SATB2: variants seen among roughly 807,000 people sequenced by gnomAD.
SATB2 encodes the protein SATB homeobox 2.
SATB2 carries 1 observed loss-of-function variant against 73.4 expected under a neutral mutation model. The ratio of observed to expected loss-of-function variants is 0.01; its 90% CI spans 0.00 to 0.06. The LOEUF is 0.06. SATB2 is among the 10% of genes least tolerant of loss of function. SATB2 has a pLI of 1.00. For synonymous variants in SATB2, 397 were observed against 367.0 expected, an observed-to-expected ratio of 1.08 and a Z score of -0.93; for missense variants, 459 against 945.8, an observed-to-expected ratio of 0.49 and a Z score of 6.75.
chr2:199,272,567 G>A lies in SATB2; in HGVS notation c.1846C>T (p.Arg616Trp). The A allele has an allele frequency of 1.2e-6, 2 of 1,614,132 alleles. No individual in the cohort carries two copies. The highest frequency in any genetic ancestry group is 8.5e-7 in the Non-Finnish European group (1 of 1,180,006). Residue 616 changes from arginine to tryptophan, a missense_variant, in exon 11 of 11, where the codon CGG becomes TGG. Around this residue, in one of 13 missense-constraint regions of SATB2, gnomAD observed 74 missense variants for 136.1 expected, o/e 0.54. Transcript: ENST00000417098. The surrounding 1 kb of genome is among the most constrained non-coding windows in gnomAD (Gnocchi z 6.7). The stretch of plus-strand genomic sequence containing the variant: ...TCTAAGGAGATCTTTGTGCGAGACC[G>A]GGGCTTTTTGGCACAACTGTCTTCA... ...PTEDSCAKKPRSRTKISLEAL... is the reference protein window; with the variant it reads ...PTEDSCAKKPWSRTKISLEAL...
chr2:199,402,407 A>G (rs1179419306), intron 3 of SATB2, among the ~76,000 whole-genome samples: 2 of 151,890 alleles, frequency 1.3e-5, no homozygotes, highest in African/African-American at 4.8e-5. Flanking sequence ...TTGATACATT[A>G]TCTAGCCAGG....
At chr2:199,354,725 T>A (rs1350614383) in intron 6 of SATB2, among the ~76,000 whole-genome samples, 1 of 152,172 alleles carries the variant, frequency 6.6e-6, no homozygotes, top group Non-Finnish European at 1.5e-5. Flanking sequence ...TCTTGCAGAT[T>A]CCTTCAAGTT....
chr2:199,416,776 C>T (rs1378087068), intron 3 of SATB2, among the ~76,000 whole-genome samples: 1 of 152,140 alleles, frequency 6.6e-6, no homozygotes, highest in East Asian at 1.9e-4. Context: ...GTGACTCACA[C>T]CTGTAATCCC....
At chr2:199,351,865 A>G (rs1688828357) in intron 6 of SATB2, among the ~76,000 whole-genome samples, 1 of 152,062 alleles carries the variant, frequency 6.6e-6, no homozygotes, top group Non-Finnish European at 1.5e-5. Flanking sequence ...TATCTATTTC[A>G]TTTTTTGGTG....
upstream of SATB2, chr2:199,468,971 G>C (rs1328468404): frequency 4.6e-5 from 7 of 152,346 alleles, no homozygotes; most frequent in African/African-American, 1.7e-4. Flanking sequence ...GGACCGTGCG[G>C]GACAGGGCCG....
chr2:199,299,993 G>T (rs879300480), intron 10 of SATB2, among the ~76,000 whole-genome samples: 5 of 152,098 alleles, frequency 3.3e-5, no homozygotes, highest in Non-Finnish European at 5.9e-5. Context: ...GGGAAAGAAG[G>T]ATGCATTTTA....
At chr2:199,313,403 A>G (rs1047797261) in intron 9 of SATB2, among the ~76,000 whole-genome samples, 1 of 152,234 alleles carries the variant, frequency 6.6e-6, no homozygotes, top group Admixed American at 6.5e-5. Flanking sequence ...GAATCTATTA[A>G]TAAGTTCAAA....
chr2:199,410,703 G>A (rs1391422879), intron 3 of SATB2, among the ~76,000 whole-genome samples: 1 of 152,130 alleles, frequency 6.6e-6, no homozygotes, highest in African/African-American at 2.4e-5. Flanking sequence ...TATTTTAACA[G>A]TCTGCTCAGG....
intron 9 of SATB2, among the ~76,000 whole-genome samples, chr2:199,316,357 A>T (rs374853865): frequency 6.6e-6 from 1 of 152,244 alleles, no homozygotes; most frequent in East Asian, 1.9e-4. Context: ...AAGGCTTGTC[A>T]AGGGCTTCAA....
chr2:199,374,712 C>T (rs1689546335), intron 5 of SATB2, among the ~76,000 whole-genome samples: 1 of 152,004 alleles, frequency 6.6e-6, no homozygotes, highest in Admixed American at 6.6e-5. Flanking sequence ...GCCTATAATC[C>T]CAGCATTTTG....
At chr2:199,366,316 A>T (rs548140293) in intron 6 of SATB2, among the ~76,000 whole-genome samples, 25 of 152,186 alleles carry the variant, frequency 1.6e-4, no homozygotes, top group Admixed American at 4.6e-4. Context: ...AACTCTTACA[A>T]ATCAAATCAT....
At chr2:199,318,349 A>G (rs2105782032) in intron 9 of SATB2, among the ~76,000 whole-genome samples, 1 of 152,058 alleles carries the variant, frequency 6.6e-6, no homozygotes, top group East Asian at 1.9e-4. Flanking sequence ...CAAAATGGCA[A>G]AACTTTGATC....
intron 10 of SATB2, among the ~76,000 whole-genome samples, chr2:199,304,108 G>A (rs1208164646): frequency 1.3e-5 from 2 of 152,110 alleles, no homozygotes; most frequent in Non-Finnish European, 2.9e-5. Flanking sequence ...TGCCAAAATC[G>A]CCTGTGTTTT....
At chr2:199,436,163 T>C (rs1691645384) in intron 2 of SATB2, among the ~76,000 whole-genome samples, 1 of 152,198 alleles carries the variant, frequency 6.6e-6, no homozygotes, top group Non-Finnish European at 1.5e-5. Context: ...ACTATAAATC[T>C]TTCTCAAGTC....
upstream of SATB2, among the ~76,000 whole-genome samples, chr2:199,469,237 C>A (rs1285832833): frequency 3.3e-5 from 5 of 152,164 alleles, no homozygotes; most frequent in Non-Finnish European, 5.9e-5. Flanking sequence ...CCCGCCTGGC[C>A]GTCGTCACCG....
chr2:199,362,236 C>T (rs1438541715), intron 6 of SATB2, among the ~76,000 whole-genome samples: 4 of 152,248 alleles, frequency 2.6e-5, no homozygotes, highest in Non-Finnish European at 1.5e-5. Flanking sequence ...TCTTTCGTAC[C>T]TCTGCATCTG....
rs752933023 is a variant in SATB2, at chr2:199,272,394, G to A, written c.2019C>T (p.His673=). Residue 673 remains histidine, a synonymous_variant, in exon 11 of 11, where the codon CAC becomes CAT. Transcript: ENST00000417098. The surrounding 1 kb of genome is among the most constrained non-coding windows in gnomAD (Gnocchi z 6.7). ...FQNQRYHVKH[H]GKLKEHLGSA... ...AGCCCAGGTGCTCTTTCAGCTTCCC[G>A]TGGTGCTTCACGTGGTACCGCTGGT... 3.2e-5 allele frequency: 51 copies of A among 1,614,028 alleles called. No homozygotes were observed. Among genetic ancestry groups the A allele is most frequent in the Non-Finnish European group, 4.2e-5 (50 of 1,180,026 alleles).
intron 3 of SATB2, among the ~76,000 whole-genome samples, chr2:199,389,905 T>C (rs1449233690): frequency 6.6e-6 from 1 of 152,118 alleles, no homozygotes; most frequent in Non-Finnish European, 1.5e-5. Flanking sequence ...TAGAAATATA[T>C]ACAGTACCAT....
intron 9 of SATB2, among the ~76,000 whole-genome samples, chr2:199,321,503 CAT>C (rs1461359682): frequency 6.6e-6 from 1 of 150,616 alleles, no homozygotes; most frequent in African/African-American, 2.4e-5. Flanking sequence ...TGTATATACA[CAT>C]ACATGTATAT....
Sources: gnomAD v4.1 joint callset for allele counts (sites outside exome capture counted in the v4.1 genomes callset) on GRCh38, gnomAD v4.1.1 for gene constraint, gnomAD v4.1.1 regional missense constraint, Gnocchi (gnomAD v3.1) non-coding constraint, MANE v1.5 for transcripts, NCBI Gene and HGNC (gene_info 2026-07-23, HGNC 2026-07-21) for gene names.